Variants in TRPM3 observed in about 807,000 individuals in gnomAD.
The protein encoded by TRPM3 is transient receptor potential cation channel subfamily M member 3.
In TRPM3, 77 loss-of-function variants were observed where a neutral mutation model predicts 181.2. The observed-to-expected ratio is 0.42, with a 90% CI of 0.35 to 0.51. The LOEUF (loss-of-function observed/expected upper bound fraction) is 0.51, where lower values mean the gene tolerates loss of function less well. Ranked by LOEUF, TRPM3 falls within the 20% of genes least tolerant of loss-of-function variation. The probability of loss-of-function intolerance (pLI) is 0.01; values close to 1 mark genes in which losing one functional copy is unlikely to be tolerated. For missense variants in TRPM3, 1,759 were observed against 2,196.7 expected, an observed-to-expected ratio of 0.80 and a Z score of 3.98; for synonymous variants, 745 against 796.4, an observed-to-expected ratio of 0.94 and a Z score of 1.09.
chr9:71,000,954 A>T (rs375095060), intron 1 of TRPM3, among the ~76,000 whole-genome samples: 1 of 152,222 alleles, frequency 6.6e-6, no homozygotes, highest in Non-Finnish European at 1.5e-5. Context: ...CCAGCTACAT[A>T]ACAACCAAAA....
chr9:70,771,640 G>C (rs1308132637), intron 7 of TRPM3, among the ~76,000 whole-genome samples: 1 of 152,108 alleles, frequency 6.6e-6, no homozygotes, highest in Non-Finnish European at 1.5e-5. Flanking sequence ...CAAGCTTTGT[G>C]CTGTGCATTT....
intron 1 of TRPM3, among the ~76,000 whole-genome samples, chr9:70,998,116 A>G (rs1223511666): frequency 1.4e-5 from 2 of 147,986 alleles, no homozygotes; most frequent in African/African-American, 4.9e-5. Context: ...TAATGCTCTA[A>G]TTGTTTATAT....
chr9:70,774,722 A>T (rs1353262598), intron 7 of TRPM3: 3 of 152,210 alleles, frequency 2.0e-5, no homozygotes, highest in African/African-American at 7.2e-5. Flanking sequence ...TGGATTATTT[A>T]CTGCTTACTC....
At chr9:70,984,847 A>G (rs1363967204) in intron 1 of TRPM3, among the ~76,000 whole-genome samples, 1 of 152,224 alleles carries the variant, frequency 6.6e-6, no homozygotes, top group Non-Finnish European at 1.5e-5. Context: ...TTAAGCCACT[A>G]CATTTGTGGT....
chr9:70,675,164 G>A (rs1399880880), intron 9 of TRPM3, among the ~76,000 whole-genome samples: 2 of 152,068 alleles, frequency 1.3e-5, no homozygotes, highest in African/African-American at 4.8e-5. Context: ...GCAATGGCAT[G>A]ATCTCGGCTC....
At chr9:71,436,479 T>G (rs1168438152) in intron 1 of TRPM3, among the ~76,000 whole-genome samples, 1 of 24,714 alleles carries the variant, frequency 4.0e-5, no homozygotes, top group Admixed American at 5.7e-4. Context: ...ATTTTTTGTA[T>G]TTTAGTAGAG....
intron 1 of TRPM3, among the ~76,000 whole-genome samples, chr9:70,966,318 T>A (rs1035323807): frequency 3.9e-5 from 6 of 152,086 alleles, no homozygotes; most frequent in Non-Finnish European, 8.8e-5. Flanking sequence ...ATTCAACCAT[T>A]GTGGAAAGCA....
intron 1 of TRPM3, among the ~76,000 whole-genome samples, chr9:71,082,629 C>T (rs949324702): frequency 2.6e-5 from 4 of 152,156 alleles, no homozygotes; most frequent in African/African-American, 9.7e-5. Context: ...CCATAAGATG[C>T]ATTCTATTCT....
intron 22 of TRPM3, among the ~76,000 whole-genome samples, chr9:70,566,798 A>C (rs1040524114): frequency 3.3e-5 from 5 of 152,222 alleles, no homozygotes; most frequent in Admixed American, 2.6e-4. Context: ...ATGTCCACCT[A>C]CTGTAAGAAA....
chr9:70,638,929 G>C lies in TRPM3; in HGVS notation c.1581+131C>G, dbSNP rs555452304. On this transcript the variant is annotated intron_variant, in intron 11 of 25. Coordinates refer to ENST00000677713, the MANE Select transcript of TRPM3 (RefSeq NM_001366145.2). ...TGTTTGTCATCTATGTAGGTCTAAG[G>C]GAGTATTTGTGATGAATGAACCATG... 2.9e-6 allele frequency: 3 copies of C among 1,037,082 alleles called. No individual in the cohort carries two copies. The South Asian group carries it at 4.8e-5, about 17-fold the overall frequency. 64.2% of individuals were successfully genotyped at this position (1,037,082 alleles called of 1,614,324 possible).
At chr9:71,125,864 G>A (rs2134424959), upstream of TRPM3, among the ~76,000 whole-genome samples, 1 of 152,192 alleles carries the variant, frequency 6.6e-6, no homozygotes, top group East Asian at 1.9e-4. Flanking sequence ...AGCAAAAATT[G>A]ACAAACGGGA....
chr9:71,205,225 G>A (rs572278661), intron 1 of TRPM3, among the ~76,000 whole-genome samples: 5 of 141,192 alleles, frequency 3.5e-5, no homozygotes, highest in South Asian at 2.3e-4. Context: ...AGTAATGCAC[G>A]AATGTTTAAG....
At chr9:71,391,972 G>A (rs1328271357) in intron 1 of TRPM3, among the ~76,000 whole-genome samples, 1 of 152,046 alleles carries the variant, frequency 6.6e-6, no homozygotes. Flanking sequence ...TTTAAAGATA[G>A]AAGTTATTTC....
chr9:71,178,908 T>C (rs1384545216), intron 1 of TRPM3, among the ~76,000 whole-genome samples: 2 of 152,182 alleles, frequency 1.3e-5, no homozygotes, highest in African/African-American at 4.8e-5. Flanking sequence ...TAATCTATTT[T>C]ATTCCCACAG....
intron 9 of TRPM3, among the ~76,000 whole-genome samples, chr9:70,642,830 C>G (rs1429806206): frequency 6.6e-6 from 1 of 152,188 alleles, no homozygotes; most frequent in African/African-American, 2.4e-5. Flanking sequence ...GTTCTTGGGT[C>G]CCAGCTGCAG....
chr9:70,927,825 A>G (rs867392399), intron 1 of TRPM3, among the ~76,000 whole-genome samples: 4 of 152,110 alleles, frequency 2.6e-5, no homozygotes, highest in African/African-American at 9.7e-5. Flanking sequence ...AATGTTGTCC[A>G]TTCTCCCCAG....
chr9:70,668,734 T>G (rs1322499175), intron 9 of TRPM3, among the ~76,000 whole-genome samples: 1 of 150,752 alleles, frequency 6.6e-6, no homozygotes, highest in Non-Finnish European at 1.5e-5. Flanking sequence ...GTTATTGTTG[T>G]ATGTTAGATT....
intron 1 of TRPM3, among the ~76,000 whole-genome samples, chr9:71,324,395 A>C (rs1249966720): frequency 8.5e-5 from 13 of 152,094 alleles, no homozygotes; most frequent in Admixed American, 6.6e-4. Context: ...AGAGAAATAC[A>C]AATCAAAACC....
In TRPM3 at chr9:70,530,193, G is replaced by C. The variant is rs1295317746; in HGVS notation, c.*5760C>G. ...GTTTGCCTTTTTCCAAGCGGCCGCT[G>C]TTTCAGCTTACTGTGCGAGGGTCAA... On this transcript the variant is annotated 3_prime_UTR_variant, in exon 26 of 26. Coordinates refer to ENST00000677713, the MANE Select transcript of TRPM3 (RefSeq NM_001366145.2). The C allele has an allele frequency of 6.6e-6, 1 of 152,236 alleles. No individual in the cohort carries two copies. The highest frequency in any genetic ancestry group is 1.5e-5 in the Non-Finnish European group (1 of 68,072). The allele number at this position is 152,236 out of a possible 1,614,324, so 9.4% of individuals were successfully genotyped here.
Sources: gnomAD v4.1 joint callset for allele counts (sites outside exome capture counted in the v4.1 genomes callset) on GRCh38, gnomAD v4.1.1 for gene constraint, MANE v1.5 for transcripts, NCBI Gene and HGNC (gene_info 2026-07-23, HGNC 2026-07-21) for gene names.